The following COL28A1 variants were observed in gnomAD, a reference collection of about 807,000 sequenced individuals.
COL28A1 encodes collagen type XXVIII alpha 1 chain.
In COL28A1, 161 loss-of-function variants were observed where a neutral mutation model predicts 150.2. The ratio of observed to expected loss-of-function variants is 1.07; its 90% CI spans 0.94 to 1.22. COL28A1 has a LOEUF of 1.22. COL28A1 is among the 50% of genes most tolerant of loss of function. The pLI is 0.00. For synonymous variants in COL28A1, 552 were observed against 469.7 expected (o/e 1.18, Z -2.26); for missense variants, 1,617 against 1,388.3 (o/e 1.16, Z -2.62).
At chr7:7,454,539 A>C (rs190679503) in intron 16 of COL28A1, among the ~76,000 whole-genome samples, 4 of 152,184 alleles carry the variant, frequency 2.6e-5, no homozygotes, top group African/African-American at 7.2e-5. Context: ...AAATGAAAGA[A>C]GTCCGAGACT....
intron 27 of COL28A1, among the ~76,000 whole-genome samples, chr7:7,406,983 G>A (rs1312113289): frequency 6.6e-6 from 1 of 151,868 alleles, no homozygotes; most frequent in Non-Finnish European, 1.5e-5. Flanking sequence ...ATGACTATGT[G>A]GGTTTTAAAA....
intron 15 of COL28A1, among the ~76,000 whole-genome samples, chr7:7,463,395 T>A (rs754014124): frequency 2.0e-5 from 3 of 152,138 alleles, no homozygotes; most frequent in Non-Finnish European, 2.9e-5. Flanking sequence ...AGAGCAGAAG[T>A]AATAATAATG....
intron 7 of COL28A1, among the ~76,000 whole-genome samples, chr7:7,517,107 T>C (rs1246796799): frequency 6.6e-6 from 1 of 152,168 alleles, no homozygotes; most frequent in African/African-American, 2.4e-5. Flanking sequence ...ATTTCAGATT[T>C]TTTGTTGACA....
At chr7:7,491,391 G>A (rs982581168) in intron 11 of COL28A1, among the ~76,000 whole-genome samples, 10 of 152,302 alleles carry the variant, frequency 6.6e-5, no homozygotes, top group Middle Eastern at 3.4e-3. Context: ...TAACTATGAG[G>A]CAGCAATCTC....
Position 7,361,728 on chromosome 7 carries a change from G to A in COL28A1, c.3067-1200C>T, listed in dbSNP as rs186503055. 2.1e-3 allele frequency among the ~76,000 whole-genome samples: 320 copies of A among 151,718 alleles called. 2 individuals carry two copies. Among genetic ancestry groups the A allele is most frequent in the African/African-American group, 7.2e-3 (299 of 41,306 alleles). ...TTTAAGTTCTAGTATAAAGACACAC[G>A]CACACATATGTTTATTGCAGCACTA... On this transcript the variant is annotated intron_variant, in intron 33 of 34. Transcript: ENST00000399429.
intron 26 of COL28A1, 56 bp from the exon 27 acceptor site, chr7:7,417,983 CA>C (rs1269948305): frequency 2.1e-6 from 3 of 1,440,272 alleles, no homozygotes; most frequent in Non-Finnish European, 2.9e-6. Context: ...GAAGAAGAAA[CA>C]ACGTTAAGTA....
chr7:7,443,722 G>C (rs528525482), intron 19 of COL28A1, 69 bp from the exon 20 acceptor site: 1 of 1,589,278 alleles, frequency 6.3e-7, no homozygotes, highest in Non-Finnish European at 8.6e-7. Context: ...ATCCCACCTT[G>C]TCTCCTTTTA....
At chr7:7,477,428 G>T (rs563545597) in intron 13 of COL28A1, among the ~76,000 whole-genome samples, 2 of 152,190 alleles carry the variant, frequency 1.3e-5, no homozygotes, top group African/African-American at 4.8e-5. Flanking sequence ...ATCTAGAGAT[G>T]ATTCAAAGTA....
intron 30 of COL28A1, among the ~76,000 whole-genome samples, chr7:7,378,012 G>C (rs1226413571): frequency 3.3e-5 from 5 of 152,100 alleles, no homozygotes; most frequent in Non-Finnish European, 7.4e-5. Context: ...GGGGCAGGTT[G>C]GGAGCTCATG....
At chr7:7,471,334 A>G (rs955041013) in intron 15 of COL28A1, among the ~76,000 whole-genome samples, 21 of 152,116 alleles carry the variant, frequency 1.4e-4, no homozygotes, top group African/African-American at 3.9e-4. Flanking sequence ...ATTCCACAAG[A>G]TAGAGAAAAA....
At chr7:7,404,026 G>A (rs1349718753) in intron 27 of COL28A1, among the ~76,000 whole-genome samples, 1 of 152,114 alleles carries the variant, frequency 6.6e-6, no homozygotes, top group Non-Finnish European at 1.5e-5. Context: ...CCCTGTTGCA[G>A]TGTATTCTCA....
intron 18 of COL28A1, among the ~76,000 whole-genome samples, chr7:7,447,578 T>C (rs1476276222): frequency 1.3e-5 from 2 of 151,998 alleles, no homozygotes; most frequent in Non-Finnish European, 2.9e-5. Context: ...AAAACAGTTA[T>C]TATGACTATA....
At chr7:7,364,358 G>A (rs1025850171) in intron 33 of COL28A1, among the ~76,000 whole-genome samples, 1 of 152,166 alleles carries the variant, frequency 6.6e-6, no homozygotes, top group African/African-American at 2.4e-5. Flanking sequence ...GAAAATCAGG[G>A]TAATGACTCG....
chr7:7,418,833 T>C (rs1784242955), intron 26 of COL28A1, among the ~76,000 whole-genome samples: 2 of 152,038 alleles, frequency 1.3e-5, no homozygotes, highest in Admixed American at 6.6e-5. Context: ...ACTACTAACA[T>C]CTTGGGGGGA....
At chr7:7,347,580 G>C in the COL28A1 span, among the ~76,000 whole-genome samples, 1 of 152,024 alleles carries the variant, frequency 6.6e-6, no homozygotes, top group Non-Finnish European at 1.5e-5. Context: ...CATCTTATTT[G>C]TGCTGTTAGT....
Position 7,394,898 on chromosome 7 carries a change from G to A in COL28A1, c.2137-13286C>T, listed in dbSNP as rs574579243. On this transcript the variant is annotated intron_variant, in intron 27 of 34. Transcript: ENST00000399429. ...ATAGGTATTTTACATTTACAAAACT[G>A]TACTAGGAGGTTCACTCTTAAGGAG... Among the ~76,000 whole-genome samples the A allele has an allele frequency of 1.1e-4, 16 of 152,260 alleles. No individual in the cohort carries two copies. In the South Asian group the frequency reaches 3.3e-3, roughly 32 times the overall value.
intron 27 of COL28A1, among the ~76,000 whole-genome samples, chr7:7,389,793 G>A (rs907182967): frequency 2.0e-5 from 3 of 151,672 alleles, no homozygotes; most frequent in East Asian, 1.9e-4. Context: ...ATTTGGCTCT[G>A]TTTGTTTGTT....
chr7:7,508,125 G>C (rs1289496503), intron 9 of COL28A1, among the ~76,000 whole-genome samples: 1 of 152,154 alleles, frequency 6.6e-6, no homozygotes, highest in African/African-American at 2.4e-5. Context: ...CCAGCTACTG[G>C]GGAGGCTGAG....
At chr7:7,539,315 G>A (rs1272889526), upstream of COL28A1, among the ~76,000 whole-genome samples, 1 of 152,200 alleles carries the variant, frequency 6.6e-6, no homozygotes, top group East Asian at 1.9e-4. Flanking sequence ...ACCAGCGTGT[G>A]CAGATCATAT....
Sources: allele counts gnomAD v4.1 joint callset (sites outside exome capture counted in the v4.1 genomes callset), GRCh38; gene constraint gnomAD v4.1.1; transcripts MANE v1.5; gene names NCBI Gene and HGNC (gene_info 2026-07-23, HGNC 2026-07-21).